Variants in SUGCT observed in about 807,000 individuals in gnomAD.
The protein encoded by SUGCT is succinyl-CoA:glutarate CoA-transferase.
A neutral mutation model predicts 55.0 loss-of-function variants in SUGCT; 41 were observed. The observed-to-expected ratio is 0.74, with a 90% CI of 0.58 to 0.97. The LOEUF (loss-of-function observed/expected upper bound fraction) is 0.97. Ranked by LOEUF, SUGCT falls within the 50% of genes least tolerant of loss-of-function variation. The pLI is 0.00. For missense variants in SUGCT, 568 were observed against 547.8 expected (o/e 1.04, Z -0.37); for synonymous variants, 187 against 200.4 (o/e 0.93, Z 0.56).
At chr7:40,272,664 A>T (rs58906847) in intron 7 of SUGCT, among the ~76,000 whole-genome samples, 50,096 of 132,462 alleles carry the variant, frequency 0.38, 10,059 homozygotes, top group East Asian at 0.43. Context: ...TATTATTATT[A>T]TTTTTTTTTT....
chr7:40,433,731 G>A (rs908334022), intron 9 of SUGCT, among the ~76,000 whole-genome samples: 6 of 152,298 alleles, frequency 3.9e-5, no homozygotes, highest in East Asian at 1.9e-4. Context: ...GAAATTAAAC[G>A]TATCTAATGT....
At chr7:40,762,789 G>A (rs1335936134) in intron 13 of SUGCT, among the ~76,000 whole-genome samples, 1 of 151,830 alleles carries the variant, frequency 6.6e-6, no homozygotes, top group Non-Finnish European at 1.5e-5. Context: ...TATCTTTGAC[G>A]GTAAGAAGCA....
rs191905987 is a variant in SUGCT, at chr7:40,408,638, C to T, written c.817-40649C>T. Reference sequence around the variant, plus strand: ...AACTTTTTTTCTTTTCTAATTACAACTTCCATTGAACCCATACTATTAAAA... The same window carrying T: ...AACTTTTTTTCTTTTCTAATTACAATTTCCATTGAACCCATACTATTAAAA... On this transcript the variant is annotated intron_variant, in intron 9 of 13. Coordinates refer to ENST00000335693, the MANE Select transcript of SUGCT (RefSeq NM_001193313.2). Among the ~76,000 whole-genome samples the T allele has an allele frequency of 2.0e-3, 303 of 152,216 alleles. 11 individuals carry two copies. In the South Asian group the frequency reaches 0.058, roughly 29 times the overall value.
chr7:40,306,285 T>G (rs1240763942), intron 8 of SUGCT, among the ~76,000 whole-genome samples: 1 of 152,224 alleles, frequency 6.6e-6, no homozygotes, highest in Non-Finnish European at 1.5e-5. Context: ...GGAAGGCCCT[T>G]TCCTTTGTTT....
At chr7:40,163,347 T>C (rs1181704673) in intron 1 of SUGCT, among the ~76,000 whole-genome samples, 1 of 152,160 alleles carries the variant, frequency 6.6e-6, no homozygotes, top group Non-Finnish European at 1.5e-5. Flanking sequence ...TGCTCACACC[T>C]GTAATCCCAG....
intron 12 of SUGCT, among the ~76,000 whole-genome samples, chr7:40,558,303 G>A (rs929857393): frequency 1.6e-4 from 24 of 152,152 alleles, no homozygotes; most frequent in Non-Finnish European, 3.2e-4. Context: ...CAGGGACTCA[G>A]ATACTTGTAT....
At chr7:40,298,268 A>G (rs1208900133) in intron 8 of SUGCT, among the ~76,000 whole-genome samples, 1 of 151,962 alleles carries the variant, frequency 6.6e-6, no homozygotes, top group East Asian at 1.9e-4. Flanking sequence ...GGGAAGAGGA[A>G]GGAAGACAGA....
At chr7:40,624,809 A>G (rs1360792105) in intron 12 of SUGCT, among the ~76,000 whole-genome samples, 3 of 107,614 alleles carry the variant, frequency 2.8e-5, no homozygotes, top group Admixed American at 8.8e-5. Context: ...ACACACACAC[A>G]CACGCACACC....
At chr7:40,600,174 T>C (rs749287440) in intron 12 of SUGCT, among the ~76,000 whole-genome samples, 10 of 152,192 alleles carry the variant, frequency 6.6e-5, no homozygotes, top group Non-Finnish European at 1.0e-4. Flanking sequence ...TTATTCTTTT[T>C]CAGGAACCTT....
chr7:40,245,690 G>A (rs1043766145), intron 7 of SUGCT, among the ~76,000 whole-genome samples: 7 of 150,852 alleles, frequency 4.6e-5, no homozygotes, highest in Middle Eastern at 3.4e-3. Context: ...CACCTGCCTC[G>A]GCCTCCCAAA....
chr7:40,935,847 T>A, the SUGCT span, among the ~76,000 whole-genome samples: 2 of 152,156 alleles, frequency 1.3e-5, no homozygotes, highest in African/African-American at 4.8e-5. Flanking sequence ...GCTGTACCAT[T>A]TTATAATCTC....
At chr7:40,452,344 C>T (rs1789236843) in intron 10 of SUGCT, among the ~76,000 whole-genome samples, 1 of 152,144 alleles carries the variant, frequency 6.6e-6, no homozygotes, top group Non-Finnish European at 1.5e-5. Flanking sequence ...TATTGACATC[C>T]TTTTGAAAGT....
At chr7:40,849,805 C>G (rs1414619862) in intron 13 of SUGCT, among the ~76,000 whole-genome samples, 1 of 152,016 alleles carries the variant, frequency 6.6e-6, no homozygotes, top group Non-Finnish European at 1.5e-5. Flanking sequence ...GCGCCAGGCA[C>G]TAGGCCCTCC....
rs781533512 is a variant in SUGCT at position 40,496,332 on chromosome 7, T to C, written c.1035T>C (p.Ser345=). 1 of 1,613,356 alleles carries C rather than the reference T, an allele frequency of 6.2e-7. No individual in the cohort carries two copies. Among genetic ancestry groups the C allele is most frequent in the Admixed American group, 1.7e-5 (1 of 59,986 alleles). ...AGTGGTTATATCTTTTTGAAGGCAG[T>C]GGAGTCCCGTATGGCCCAATCAACA... The part of the protein sequence containing the change: ...TSKWLYLFEG[S]GVPYGPINNM... The change falls in exon 12 of 14, where the codon AGT becomes AGC. Residue 345 remains serine, a synonymous_variant. Transcript: ENST00000335693.
chr7:40,855,426 C>T (rs1350540153), intron 13 of SUGCT, among the ~76,000 whole-genome samples: 1 of 151,978 alleles, frequency 6.6e-6, no homozygotes, highest in Non-Finnish European at 1.5e-5. Flanking sequence ...TCCTTGGGAG[C>T]ATCTTTTACT....
At chr7:40,411,581 A>G (rs1347023799) in intron 9 of SUGCT, among the ~76,000 whole-genome samples, 2 of 152,206 alleles carry the variant, frequency 1.3e-5, no homozygotes, top group Non-Finnish European at 2.9e-5. Flanking sequence ...TCTTAAGAAG[A>G]TAGAAGTAGA....
chr7:40,647,865 C>A (rs1800600861), intron 12 of SUGCT, among the ~76,000 whole-genome samples: 1 of 151,936 alleles, frequency 6.6e-6, no homozygotes, highest in Non-Finnish European at 1.5e-5. Flanking sequence ...GTTCACATAG[C>A]CACCAAGTAG....
At chr7:40,804,070 T>C (rs1312894454) in intron 13 of SUGCT, among the ~76,000 whole-genome samples, 1 of 152,214 alleles carries the variant, frequency 6.6e-6, no homozygotes, top group Non-Finnish European at 1.5e-5. Flanking sequence ...TATTTTATTA[T>C]TCTTTGTCGC....
intron 12 of SUGCT, among the ~76,000 whole-genome samples, chr7:40,581,177 G>A (rs994749999): frequency 6.6e-6 from 1 of 152,158 alleles, no homozygotes; most frequent in Non-Finnish European, 1.5e-5. Flanking sequence ...TAGGCACTGG[G>A]TATAATGGTT....
Sources: gnomAD v4.1 joint callset for allele counts (sites outside exome capture counted in the v4.1 genomes callset) on GRCh38, gnomAD v4.1.1 for gene constraint, MANE v1.5 for transcripts, NCBI Gene and HGNC (gene_info 2026-07-23, HGNC 2026-07-21) for gene names.